DST: variants seen among roughly 807,000 people sequenced by gnomAD.
DST encodes bullous pemphigoid antigen.
DST carries 253 observed loss-of-function variants against 875.2 expected under a neutral mutation model. That is an observed-to-expected ratio of 0.29 (90% CI 0.26 to 0.32). DST has a LOEUF of 0.32. DST is among the 10% of genes least tolerant of loss of function. DST has a pLI of 1.00. For missense variants in DST, 8,287 were observed against 9,111.6 expected, an observed-to-expected ratio of 0.91 and a Z score of 3.68; for synonymous variants, 3,124 against 3,197.1, an observed-to-expected ratio of 0.98 and a Z score of 0.77.
At chr6:56,916,778 T>TCTCACACACACACACA (rs1470233953) in intron 2 of DST, among the ~76,000 whole-genome samples, 5 of 91,344 alleles carry the variant, frequency 5.5e-5, no homozygotes, top group African/African-American at 1.0e-4. Context: ...TCTCTCTCTC[T>TCTCACACACACACACA]CACACACACA....
chr6:56,570,637 A>G (rs921606194), intron 53 of DST, among the ~76,000 whole-genome samples: 4 of 152,168 alleles, frequency 2.6e-5, no homozygotes, highest in Non-Finnish European at 5.9e-5. Context: ...AGCCCAGTTC[A>G]TAATAGGCCA....
chr6:56,619,653 C>T, intron 36 of DST: 1 of 1,613,802 alleles, frequency 6.2e-7, no homozygotes. Context: ...TTCTTGAGAT[C>T]ACTAGCTTCT....
At chr6:56,701,126 T>A (rs932145592) in intron 8 of DST, among the ~76,000 whole-genome samples, 36 of 151,972 alleles carry the variant, frequency 2.4e-4, no homozygotes, top group Admixed American at 2.1e-3. Context: ...ATTACTGGCA[T>A]GAGCCACCAC....
chr6:56,543,029 A>ATGTC (rs1562672402), intron 61 of DST, among the ~76,000 whole-genome samples: 1 of 152,254 alleles, frequency 6.6e-6, no homozygotes, highest in Non-Finnish European at 1.5e-5. Context: ...GGAGAGGGAC[A>ATGTC]GCTCAGGTTC....
At chr6:56,517,769 A>T (rs1166858191) in intron 69 of DST, 149 bp from the exon 70 acceptor site, 1 of 954,860 alleles carries the variant, frequency 1.0e-6, no homozygotes, top group Non-Finnish European at 1.5e-6. Flanking sequence ...CGTGATAATG[A>T]CTAAATTTTA....
Position 56,627,268 on chromosome 6 carries a change from T to G in DST, c.4658A>C (p.Glu1553Ala). The change falls in exon 34 of 104, where the codon GAA becomes GCA. Residue 1553 changes from glutamate to alanine, a missense_variant. Transcript: ENST00000680361. ...NQQKMLVSEIEMKQSKMDECQ... is the reference protein window; with the variant it reads ...NQQKMLVSEIAMKQSKMDECQ... ...CTCGTCCATTTTGCTCTGTTTCATT[T>G]CTATTTCGGACACCAGCATCTATAA... is the stretch of plus-strand genomic sequence containing the variant. 1 of 1,612,576 alleles carries G rather than the reference T, an allele frequency of 6.2e-7. No homozygotes were observed. The highest frequency in any genetic ancestry group is 8.5e-7 in the Non-Finnish European group (1 of 1,179,062).
At chr6:56,469,234 G>C (rs1372394670) in intron 97 of DST, among the ~76,000 whole-genome samples, 1 of 151,700 alleles carries the variant, frequency 6.6e-6, no homozygotes, top group East Asian at 1.9e-4. Context: ...TGAATACATT[G>C]ATGATTATTT....
chr6:56,730,266 C>T (rs2099492193), intron 5 of DST, among the ~76,000 whole-genome samples: 1 of 152,136 alleles, frequency 6.6e-6, no homozygotes, highest in Admixed American at 6.5e-5. Context: ...TCTCATGGCT[C>T]AAGTTCTAAT....
chr6:56,807,411 T>G (rs928680067), intron 4 of DST, among the ~76,000 whole-genome samples: 8 of 152,122 alleles, frequency 5.3e-5, no homozygotes, highest in Admixed American at 4.6e-4. Context: ...ATTTAAAAAT[T>G]TACATGGAAA....
At chr6:56,599,936 A>C (rs1257817772) in intron 45 of DST, 133 bp downstream of exon 45, 1 of 721,884 alleles carries the variant, frequency 1.4e-6, no homozygotes, top group Non-Finnish European at 2.1e-6. Context: ...GCTCAAGCCC[A>C]GGGCGTCTTG....
chr6:56,916,482 TG>T (rs1159724533), intron 2 of DST, among the ~76,000 whole-genome samples: 1 of 152,164 alleles, frequency 6.6e-6, no homozygotes, highest in East Asian at 1.9e-4. Context: ...CTGGGTGCAG[TG>T]GTTCATGCCT....
At chr6:56,716,700 G>A (rs567517090) in intron 5 of DST, among the ~76,000 whole-genome samples, 1 of 152,264 alleles carries the variant, frequency 6.6e-6, no homozygotes, top group Admixed American at 6.5e-5. Context: ...GGGCAGTCCA[G>A]CCTTCAAACT....
chr6:56,627,256 C>T lies in DST; in HGVS notation c.4670G>A (p.Ser1557Asn). 1 of 1,612,980 alleles carries T rather than the reference C, an allele frequency of 6.2e-7. No individual in the cohort carries two copies. Among genetic ancestry groups the T allele is most frequent in the Non-Finnish European group, 8.5e-7 (1 of 1,179,426 alleles). ...MLVSEIEMKQ[S>N]KMDECQKYAE... is the part of the protein sequence containing the mutation. The stretch of plus-strand genomic sequence containing the variant: ...ATATTTTTGACACTCGTCCATTTTG[C>T]TCTGTTTCATTTCTATTTCGGACAC... Residue 1557 changes from serine to asparagine, a missense_variant, in exon 34 of 104, where the codon AGC (serine) becomes AAC (asparagine). Ser to Asn is a conservative substitution (Grantham distance 46). Around this residue, in one of 10 missense-constraint regions of DST, gnomAD observed 3,138 missense variants for 3,116.6 expected, o/e 1.01. Transcript: ENST00000680361.
intron 22 of DST, among the ~76,000 whole-genome samples, chr6:56,637,453 T>C (rs1000472572): frequency 1.1e-4 from 17 of 152,194 alleles, no homozygotes; most frequent in Non-Finnish European, 2.1e-4. Flanking sequence ...ATTTTTACGG[T>C]GCTAGATCAT....
intron 82 of DST, among the ~76,000 whole-genome samples, chr6:56,494,492 G>C (rs527658826): frequency 3.3e-5 from 5 of 152,218 alleles, no homozygotes; most frequent in Admixed American, 3.3e-4. Context: ...AGTTCTGTGA[G>C]TTTGGGCAAG....
chr6:56,830,080 C>A (rs535407583), intron 4 of DST, among the ~76,000 whole-genome samples: 4 of 152,232 alleles, frequency 2.6e-5, no homozygotes, highest in African/African-American at 9.6e-5. Flanking sequence ...TTATGTCACC[C>A]ATATGACTTC....
chr6:56,897,307 G>T (rs939452431), intron 3 of DST, among the ~76,000 whole-genome samples: 8 of 104,570 alleles, frequency 7.7e-5, no homozygotes, highest in Non-Finnish European at 1.7e-4. Flanking sequence ...TTTTTTTTTG[G>T]GGGGGGGGTT....
intron 9 of DST, among the ~76,000 whole-genome samples, chr6:56,695,884 G>C (rs570196270): frequency 3.8e-4 from 58 of 152,322 alleles, no homozygotes; most frequent in Non-Finnish European, 7.1e-4. Flanking sequence ...AAAAGGCTGA[G>C]TCACTCTGAG....
At chr6:56,874,162 A>T (rs1778634019) in intron 3 of DST, among the ~76,000 whole-genome samples, 1 of 152,180 alleles carries the variant, frequency 6.6e-6, no homozygotes, top group South Asian at 2.1e-4. Context: ...AATATGTACA[A>T]CTATTAGTAT....
Sources: gnomAD v4.1 joint callset for allele counts (sites outside exome capture counted in the v4.1 genomes callset) on GRCh38, gnomAD v4.1.1 for gene constraint, gnomAD v4.1.1 regional missense constraint, MANE v1.5 for transcripts, NCBI Gene and HGNC (gene_info 2026-07-23, HGNC 2026-07-21) for gene names.